Variants in RPS24 observed in about 807,000 individuals in gnomAD.
RPS24 encodes the protein ribosomal protein S24, also known as small ribosomal subunit protein eS24.
For synonymous variants in RPS24, 72 were observed against 55.6 expected, an observed-to-expected ratio of 1.30 and a Z score of -1.31; for missense variants, 100 against 162.5, an observed-to-expected ratio of 0.62 and a Z score of 2.09.
chr10:78,036,194 C>T (rs188209001), intron 3 of RPS24: 389 of 197,420 alleles, frequency 2.0e-3, no homozygotes, highest in African/African-American at 8.2e-3. Context: ...ATCATCACCT[C>T]GAAGTGCTTG....
chr10:78,042,322 C>T (rs11002385), downstream of RPS24, among the ~76,000 whole-genome samples: 37,130 of 152,152 alleles, frequency 0.24, 5,943 homozygotes, highest in Non-Finnish European at 0.34. Context: ...TCTAGTCCAT[C>T]CAAGTGTTTT....
chr10:78,048,862 G>C lies in RPS24; in HGVS notation c.391-5669G>C, dbSNP rs948141344. 3.1e-5 allele frequency: 4 copies of C among 130,878 alleles called. No homozygotes were observed. In the East Asian group the frequency reaches 9.0e-4, roughly 29 times the overall value. 8.1% of individuals were successfully genotyped at this position (130,878 alleles called of 1,614,324 possible). The stretch of plus-strand genomic sequence containing the variant: ...TGCACTCCAGCCTGGGCGACAGAGC[G>C]AGAGTCCATCTCAAAAAAAAAAAAA... On this transcript the variant is annotated intron_variant, in intron 4 of 4. Coordinates refer to the RPS24 transcript ENST00000440692.
At chr10:78,037,939 A>G in intron 4 of RPS24, 1 of 610,700 alleles carries the variant, frequency 1.6e-6, no homozygotes, top group Non-Finnish European at 2.0e-6. Context: ...TTTCCTCTCT[A>G]CTTTCTTGGA....
chr10:78,043,981 C>T (rs915571914), downstream of RPS24, among the ~76,000 whole-genome samples: 1 of 152,140 alleles, frequency 6.6e-6, no homozygotes, highest in Non-Finnish European at 1.5e-5. Flanking sequence ...TCCACATAGG[C>T]ATTTTATCTC....
At position 78,033,873 on chromosome 10, in the gene RPS24, C is replaced by T. The variant is rs373304735; in HGVS notation, c.-29C>T. ...CGGCGAATCGTGGTTCTCTTTTCCT[C>T]CTTGGCTGTCTGAAGATAGATCGCC... On this transcript the variant is annotated 5_prime_UTR_variant, in exon 1 of 6. Transcript: ENST00000372360. The T allele has an allele frequency of 2.3e-5, 37 of 1,613,942 alleles. No homozygotes were observed. The highest frequency in any genetic ancestry group is 5.5e-5 in the South Asian group (5 of 91,092).
Position 78,036,918 on chromosome 10 carries a change from C to T in RPS24, c.280-276C>T, listed in dbSNP as rs7906165. Among the ~76,000 whole-genome samples, 1,238 of 152,282 alleles carry T rather than the reference C, an allele frequency of 8.1e-3. 22 individuals are homozygous for T. The highest frequency in any genetic ancestry group is 0.028 in the African/African-American group (1,172 of 41,552). ...GTGCAAAAGAAGAAAAAATAGTGAT[C>T]TGTGAGCTCAAGTCTGGACAAGAAC... On this transcript the variant is annotated intron_variant, in intron 3 of 5. Transcript: ENST00000372360.
At chr10:78,050,462 T>C (rs1432114348) in intron 4 of RPS24, among the ~76,000 whole-genome samples, 1 of 152,254 alleles carries the variant, frequency 6.6e-6, no homozygotes, top group East Asian at 1.9e-4. Context: ...TTCTTGTCAC[T>C]CCCAGACCTC....
At chr10:78,048,323 C>T (rs1848065519) in intron 4 of RPS24, among the ~76,000 whole-genome samples, 1 of 152,094 alleles carries the variant, frequency 6.6e-6, no homozygotes, top group African/African-American at 2.4e-5. Flanking sequence ...CTCTTTTCTG[C>T]TGCAGTGTGT....
chr10:78,055,192 C>A, exon 5 of RPS24: 2 of 1,012,944 alleles, frequency 2.0e-6, no homozygotes, highest in Non-Finnish European at 2.6e-6. Flanking sequence ...CCCACGCCCC[C>A]ACAATCCCCC....
At chr10:78,052,545 A>G (rs1417182576) in intron 4 of RPS24, among the ~76,000 whole-genome samples, 1 of 152,190 alleles carries the variant, frequency 6.6e-6, no homozygotes, top group Non-Finnish European at 1.5e-5. Context: ...TGTTGCCTCT[A>G]GCTGCCGCCA....
At chr10:78,042,309 C>T (rs1005642919), downstream of RPS24, among the ~76,000 whole-genome samples, 7 of 152,236 alleles carry the variant, frequency 4.6e-5, no homozygotes, top group African/African-American at 1.7e-4. Context: ...TGCTTCTCTT[C>T]CATCTAGTCC....
chr10:78,043,494 ATGG>A (rs1411694847), downstream of RPS24, among the ~76,000 whole-genome samples: 2 of 152,176 alleles, frequency 1.3e-5, no homozygotes, highest in African/African-American at 4.8e-5. Flanking sequence ...TGTGCATATA[ATGG>A]TATATAAAAC....
At chr10:78,044,770 G>T (rs1049732277), downstream of RPS24, among the ~76,000 whole-genome samples, 1 of 149,492 alleles carries the variant, frequency 6.7e-6, no homozygotes, top group Non-Finnish European at 1.5e-5. Context: ...AATCAGGGAG[G>T]ATCTTGTATG....
intron 4 of RPS24, chr10:78,037,752 T>A (rs1847904205): frequency 2.8e-6 from 1 of 356,226 alleles, no homozygotes; most frequent in Non-Finnish European, 5.3e-6. Context: ...TCAGGATTGC[T>A]TTCCTCTCCA....
rs577238691 is a variant in RPS24 at position 78,039,933 on chromosome 10, G to A, written c.391-271G>A. The A allele has an allele frequency of 3.9e-4, 210 of 533,078 alleles. 1 individual carries two copies. The highest frequency in any genetic ancestry group is 3.8e-3 in the African/African-American group (198 of 52,310). 33.0% of individuals were successfully genotyped at this position (533,078 alleles called of 1,614,324 possible). A position where few individuals can be genotyped will look rare whatever the true frequency, so the allele number is the denominator to read the frequency against. On this transcript the variant is annotated intron_variant, in intron 4 of 5. Coordinates refer to ENST00000372360, the MANE Select transcript of RPS24 (RefSeq NM_033022.4). ...GCAAGGCCATCCTGGGTACCACATTGGCTTAATGATCTCTTCATTGTGAAG... is the reference window on the plus strand; with the variant it reads ...GCAAGGCCATCCTGGGTACCACATTAGCTTAATGATCTCTTCATTGTGAAG...
intron 4 of RPS24, among the ~76,000 whole-genome samples, chr10:78,051,539 T>C (rs953050656): frequency 1.3e-5 from 2 of 152,280 alleles, no homozygotes; most frequent in African/African-American, 4.8e-5. Flanking sequence ...ATTTTGCAGC[T>C]ATGAAAATTC....
intron 4 of RPS24, chr10:78,038,612 CTT>C (rs929430706): frequency 6.7e-6 from 1 of 149,834 alleles, no homozygotes; most frequent in African/African-American, 2.5e-5. Context: ...GGTGGATATG[CTT>C]TTTCCCACAA....
At chr10:78,046,019 A>T (rs1848039650) in intron 4 of RPS24, among the ~76,000 whole-genome samples, 1 of 151,988 alleles carries the variant, frequency 6.6e-6, no homozygotes. Flanking sequence ...ACAAATGCCC[A>T]GCCTCTTGCC....
At position 78,054,645 on chromosome 10, in the gene RPS24, GA is replaced by G; in HGVS notation, c.507del (p.Val170CysfsTer83). ...AAGCCGGGGGGTTGTGTGGCAGGTA[GA>G]AGTGCCAGGACCGTGGAGCGTGTGG... is the stretch of plus-strand genomic sequence containing the variant. On this transcript the variant is annotated frameshift_variant, in exon 5 of 5. Transcript: ENST00000440692. LOFTEE classifies it low-confidence loss of function (END_TRUNC). 6.4e-7 allele frequency: 1 copy of G among 1,551,720 alleles called. No individual in the cohort carries two copies.
Sources: allele counts gnomAD v4.1 joint callset (sites outside exome capture counted in the v4.1 genomes callset), GRCh38; gene constraint gnomAD v4.1.1; transcripts MANE v1.5; gene names NCBI Gene and HGNC (gene_info 2026-07-23, HGNC 2026-07-21).